The following SBK1 variants were observed in gnomAD, a reference collection of about 807,000 sequenced individuals.
SBK1 encodes the protein serine/threonine-protein kinase SBK1.
Under a neutral mutation model 24.4 loss-of-function variants are expected in SBK1, and 11 were observed. That is an observed-to-expected ratio of 0.45 (90% confidence interval 0.28 to 0.75). The LOEUF (loss-of-function observed/expected upper bound fraction) is 0.75. Ranked by LOEUF, SBK1 falls within the 30% of genes least tolerant of loss-of-function variation. SBK1 has a pLI of 0.12. For missense variants in SBK1, 467 were observed against 620.5 expected, an observed-to-expected ratio of 0.75 and a Z score of 2.63; for synonymous variants, 308 against 284.4, an observed-to-expected ratio of 1.08 and a Z score of -0.83.
At chr16:28,271,328 A>G (rs972172267) in intron 1 of SBK1, among the ~76,000 whole-genome samples, 1 of 152,158 alleles carries the variant, frequency 6.6e-6, no homozygotes, top group Admixed American at 6.6e-5. Flanking sequence ...AGGCCAAAGC[A>G]GGCAGATCAC....
chr16:28,268,533 C>G (rs565515994), intron 1 of SBK1, among the ~76,000 whole-genome samples: 21 of 150,918 alleles, frequency 1.4e-4, no homozygotes, highest in Admixed American at 1.3e-3. Context: ...GAGGCTGAGG[C>G]GGGTGGATCA....
At chr16:28,267,874 G>A (rs574654812) in intron 1 of SBK1, among the ~76,000 whole-genome samples, 48 of 152,312 alleles carry the variant, frequency 3.2e-4, no homozygotes, top group Admixed American at 9.8e-4. Context: ...GCGGCCAGGC[G>A]CAGTGGCTCG....
chr16:28,283,173 C>T (rs888034674), intron 1 of SBK1, among the ~76,000 whole-genome samples: 5 of 152,030 alleles, frequency 3.3e-5, no homozygotes, highest in Admixed American at 2.6e-4. Flanking sequence ...CCTCGTGATC[C>T]ACCCACCTCG....
upstream of SBK1, chr16:28,292,486 C>T (rs1596546225): frequency 1.0e-6 from 1 of 956,476 alleles, no homozygotes; most frequent in East Asian, 1.2e-4. Flanking sequence ...AGCCGCGGGC[C>T]GGGCGGGCAG....
At chr16:28,267,931 T>G (rs559294979) in intron 1 of SBK1, among the ~76,000 whole-genome samples, 1 of 152,266 alleles carries the variant, frequency 6.6e-6, no homozygotes, top group African/African-American at 2.4e-5. Flanking sequence ...GAGGATTGCT[T>G]GAGGCCAGGA....
At chr16:28,303,157 G>C (rs956246978) in intron 1 of SBK1, among the ~76,000 whole-genome samples, 43 of 151,798 alleles carry the variant, frequency 2.8e-4, no homozygotes, top group Admixed American at 2.6e-3. Context: ...GGCAGAATAT[G>C]GGGGGGAGAT....
chr16:28,279,434 A>AC (rs5816467), intron 1 of SBK1, among the ~76,000 whole-genome samples: 1 of 147,694 alleles, frequency 6.8e-6, no homozygotes, highest in African/African-American at 2.5e-5. Context: ...AAAAAAAAAA[A>AC]CCACCATCAC....
At chr16:28,295,098 C>A (rs531740282) in intron 1 of SBK1, among the ~76,000 whole-genome samples, 19 of 152,324 alleles carry the variant, frequency 1.2e-4, no homozygotes, top group African/African-American at 4.3e-4. Flanking sequence ...TGTCACACAC[C>A]CCACAGGCAA....
At chr16:28,266,648 C>G (rs372808121) in intron 1 of SBK1, among the ~76,000 whole-genome samples, 1 of 151,818 alleles carries the variant, frequency 6.6e-6, no homozygotes, top group Admixed American at 6.6e-5. Context: ...CCAAAAGGTA[C>G]CTGCATGCCT....
At chr16:28,311,796 G>T (rs1019731024) in intron 1 of SBK1, among the ~76,000 whole-genome samples, 12 of 152,208 alleles carry the variant, frequency 7.9e-5, no homozygotes, top group African/African-American at 2.2e-4. Context: ...ACCTGACAGT[G>T]GGGGGCACAC....
At chr16:28,289,584 T>C (rs2044586706), upstream of SBK1, among the ~76,000 whole-genome samples, 1 of 148,362 alleles carries the variant, frequency 6.7e-6, no homozygotes, top group East Asian at 2.0e-4. Flanking sequence ...TGGCCAACAA[T>C]GGCAAAACCT....
chr16:28,292,806 C>T lies in SBK1; in HGVS notation c.-502C>T, dbSNP rs2044610367. ...CCTCGGGGAAGAGGGGGGGCCCTCC[C>T]GGATCCGACACCGAGCGACTCCCCT... On this transcript the variant is annotated 5_prime_UTR_variant, in exon 1 of 4. Coordinates refer to ENST00000341901, the MANE Select transcript of SBK1 (RefSeq NM_001024401.3). The T allele has an allele frequency of 2.0e-6, 2 of 985,304 alleles. No homozygotes were observed. The highest frequency in any genetic ancestry group is 2.4e-6 in the Non-Finnish European group (2 of 829,882). The allele number at this position is 985,304 out of a possible 1,614,324, so 61.0% of individuals were successfully genotyped here.
At chr16:28,312,265 T>A (rs1225285185) in intron 1 of SBK1, among the ~76,000 whole-genome samples, 1 of 152,198 alleles carries the variant, frequency 6.6e-6, no homozygotes, top group Non-Finnish European at 1.5e-5. Flanking sequence ...CGGGGAGGCC[T>A]GCACAGAAGC....
chr16:28,293,980 G>A (rs1439616461), intron 1 of SBK1, among the ~76,000 whole-genome samples: 1 of 152,152 alleles, frequency 6.6e-6, no homozygotes, highest in Non-Finnish European at 1.5e-5. Flanking sequence ...CCTAGATGAA[G>A]AAGCTATTTC....
At chr16:28,283,353 A>G (rs2044545544) in intron 1 of SBK1, among the ~76,000 whole-genome samples, 1 of 152,288 alleles carries the variant, frequency 6.6e-6, no homozygotes, top group Admixed American at 6.5e-5. Flanking sequence ...TCGGAGTTTC[A>G]GGCATAGCTG....
At chr16:28,314,979 C>CA (rs1207606115) in intron 1 of SBK1, among the ~76,000 whole-genome samples, 4 of 151,140 alleles carry the variant, frequency 2.6e-5, no homozygotes, top group Admixed American at 6.6e-5. Flanking sequence ...AACTCCGTCT[C>CA]AAAAAAAAGG....
intron 1 of SBK1, among the ~76,000 whole-genome samples, chr16:28,304,608 GT>G (rs1244459656): frequency 6.6e-6 from 1 of 151,892 alleles, no homozygotes; most frequent in Non-Finnish European, 1.5e-5. Context: ...TTGTTTGTTT[GT>G]TTTTTTGTTT....
chr16:28,295,301 C>T lies in SBK1; in HGVS notation c.-8+2001C>T, dbSNP rs367816883. On this transcript the variant is annotated intron_variant, in intron 1 of 3. Coordinates refer to ENST00000341901, the MANE Select transcript of SBK1 (RefSeq NM_001024401.3). ...TGCAGCCTGGCCCTAAACCACCTCT[C>T]CTAGCCCATCTCCTCCGTGTCCTCT... Among the ~76,000 whole-genome samples, 5 of 152,306 alleles carry T rather than the reference C, an allele frequency of 3.3e-5. No homozygotes were observed. The East Asian group carries it at 5.8e-4, about 18-fold the overall frequency.
intron 1 of SBK1, among the ~76,000 whole-genome samples, chr16:28,313,181 C>A: frequency 6.6e-6 from 1 of 152,136 alleles, no homozygotes; most frequent in Admixed American, 6.6e-5. Context: ...TGTGGCCCCA[C>A]CTTCTCAGGA....
Sources: gnomAD v4.1 joint callset for allele counts (sites outside exome capture counted in the v4.1 genomes callset) on GRCh38, gnomAD v4.1.1 for gene constraint, MANE v1.5 for transcripts, NCBI Gene and HGNC (gene_info 2026-07-23, HGNC 2026-07-21) for gene names.